Variants in TRAPPC3L observed in about 807,000 individuals in gnomAD.
The protein encoded by TRAPPC3L is trafficking protein particle complex subunit 3-like protein.
TRAPPC3L carries 23 observed loss-of-function variants against 23.7 expected under a neutral mutation model. That is an observed-to-expected ratio of 0.97 (90% CI 0.70 to 1.37). The LOEUF (loss-of-function observed/expected upper bound fraction) is 1.37, where lower values mean the gene tolerates loss of function less well. Ranked by LOEUF, TRAPPC3L falls within the 40% of genes most tolerant of loss-of-function variation. The pLI is 0.00. For missense variants in TRAPPC3L, 212 were observed against 216.8 expected (o/e 0.98, Z 0.14); for synonymous variants, 81 against 77.9 (o/e 1.04, Z -0.21).
At chr6:116,509,483 G>T (rs1206933303) in intron 3 of TRAPPC3L, among the ~76,000 whole-genome samples, 1 of 152,162 alleles carries the variant, frequency 6.6e-6, no homozygotes, top group East Asian at 1.9e-4. Context: ...GCATAGCACT[G>T]GTACAAAAGT....
intron 3 of TRAPPC3L, among the ~76,000 whole-genome samples, chr6:116,532,979 C>T (rs1355287145): frequency 3.9e-5 from 6 of 152,196 alleles, no homozygotes; most frequent in Non-Finnish European, 7.3e-5. Context: ...CATTTCAGAA[C>T]GTCAACTTGG....
chr6:116,497,382 TC>T (rs1771847871), intron 4 of TRAPPC3L, among the ~76,000 whole-genome samples: 1 of 152,126 alleles, frequency 6.6e-6, no homozygotes, highest in Admixed American at 6.5e-5. Flanking sequence ...GAACACAAAT[TC>T]CCAGCTCGGG....
chr6:116,497,792 G>T (rs183174459), intron 4 of TRAPPC3L, among the ~76,000 whole-genome samples: 3 of 152,098 alleles, frequency 2.0e-5, no homozygotes, highest in Admixed American at 2.0e-4. Context: ...TTGATTTATT[G>T]GGAAAAATAA....
intron 3 of TRAPPC3L, among the ~76,000 whole-genome samples, chr6:116,527,743 A>C (rs1470622064): frequency 6.6e-6 from 1 of 152,230 alleles, no homozygotes; most frequent in Admixed American, 6.5e-5. Flanking sequence ...AATAATCTTC[A>C]ATGCAAAGGC....
At chr6:116,534,292 T>A (rs1222416503) in intron 3 of TRAPPC3L, among the ~76,000 whole-genome samples, 1 of 152,234 alleles carries the variant, frequency 6.6e-6, no homozygotes, top group Non-Finnish European at 1.5e-5. Context: ...TGGACATCCT[T>A]GTTGAAGTGT....
chr6:116,511,355 A>C (rs74545533), intron 3 of TRAPPC3L, among the ~76,000 whole-genome samples: 2,036 of 152,038 alleles, frequency 0.013, 41 homozygotes, highest in African/African-American at 0.046. Flanking sequence ...GATTCCTTAC[A>C]CTGGAAAATT....
rs775820897 is a variant in TRAPPC3L at position 116,536,625 on chromosome 6, T to C, written c.240+3738A>G. Among the ~76,000 whole-genome samples, 108 of 152,340 alleles carry C rather than the reference T, an allele frequency of 7.1e-4. 1 individual carries two copies. The highest frequency in any genetic ancestry group is 4.6e-3 in the Admixed American group (71 of 15,304). ...TCTTCAAATGCATTCCTTCTCTCTC[T>C]TTCCTTCCCTGGAGACAGGACAGAG... On this transcript the variant is annotated intron_variant, in intron 3 of 4. Transcript: ENST00000368602.
chr6:116,532,970 A>T (rs1264205381), intron 3 of TRAPPC3L, among the ~76,000 whole-genome samples: 1 of 152,208 alleles, frequency 6.6e-6, no homozygotes, highest in Non-Finnish European at 1.5e-5. Flanking sequence ...TCTAATGAAC[A>T]TTTCAGAACG....
chr6:116,500,413 G>A (rs1432498750), intron 4 of TRAPPC3L, 68 bp downstream of exon 4: 1 of 1,349,516 alleles, frequency 7.4e-7, no homozygotes, highest in Admixed American at 2.5e-5. Context: ...TATGTATATT[G>A]GTTATCTTAT....
intron 3 of TRAPPC3L, among the ~76,000 whole-genome samples, chr6:116,535,541 C>G (rs965601714): frequency 3.3e-5 from 5 of 152,138 alleles, no homozygotes; most frequent in Non-Finnish European, 5.9e-5. Flanking sequence ...GTTTGGAAAC[C>G]CTAAAATATA....
At chr6:116,542,231 A>G (rs192515348) in intron 2 of TRAPPC3L, among the ~76,000 whole-genome samples, 22 of 152,276 alleles carry the variant, frequency 1.4e-4, no homozygotes, top group Admixed American at 1.2e-3. Context: ...TGACTGAAAA[A>G]TCTATAGGTA....
intron 3 of TRAPPC3L, among the ~76,000 whole-genome samples, chr6:116,512,700 A>C (rs1422889501): frequency 6.6e-6 from 1 of 152,348 alleles, no homozygotes; most frequent in East Asian, 1.9e-4. Context: ...TCAAAGTTGC[A>C]TGTAATATAA....
intron 3 of TRAPPC3L, chr6:116,516,147 G>A (rs3734309): frequency 0.44 from 406,811 of 933,748 alleles, 92,049 homozygotes; most frequent in Admixed American, 0.54. Flanking sequence ...GCTCTCAAGT[G>A]GAACATCAGG....
In TRAPPC3L at chr6:116,540,482, T is replaced by C. The variant is rs140183514; in HGVS notation, c.141-20A>G. Reference sequence around the variant, plus strand: ...TAACCCCTGTGGATGACGGAAAGAGTGTGGTCTGAAAATTCTAAGAAATTA... The same window carrying C: ...TAACCCCTGTGGATGACGGAAAGAGCGTGGTCTGAAAATTCTAAGAAATTA... On this transcript the variant is annotated intron_variant, in intron 2 of 4. Coordinates refer to ENST00000368602, the MANE Select transcript of TRAPPC3L (RefSeq NM_001139444.3). 2.1e-4 allele frequency: 327 copies of C among 1,547,484 alleles called. No individual in the cohort carries two copies. The African/African-American group carries it at 4.2e-3, about 20-fold the overall frequency.
At chr6:116,518,484 G>A (rs1162872650) in intron 3 of TRAPPC3L, 1 of 152,326 alleles carries the variant, frequency 6.6e-6, no homozygotes, top group Non-Finnish European at 1.5e-5. Flanking sequence ...ATGTGGCAGG[G>A]ACAGAACAGG....
chr6:116,535,433 T>C (rs546264147), intron 3 of TRAPPC3L, among the ~76,000 whole-genome samples: 2 of 152,356 alleles, frequency 1.3e-5, no homozygotes, highest in African/African-American at 4.8e-5. Context: ...TTATTATAAT[T>C]ATTGTCAAGC....
At chr6:116,525,171 A>C (rs1332418952) in intron 3 of TRAPPC3L, among the ~76,000 whole-genome samples, 1 of 152,150 alleles carries the variant, frequency 6.6e-6, no homozygotes, top group African/African-American at 2.4e-5. Context: ...AGGATGTTGA[A>C]TTAGTACATC....
chr6:116,529,427 A>T (rs910548955), intron 3 of TRAPPC3L, among the ~76,000 whole-genome samples: 2 of 152,240 alleles, frequency 1.3e-5, no homozygotes, highest in Non-Finnish European at 2.9e-5. Context: ...TGGAAGGGAA[A>T]TATGGGGTAG....
intron 4 of TRAPPC3L, 97 bp downstream of exon 4, chr6:116,500,384 T>C (rs2115153422): frequency 2.6e-6 from 3 of 1,148,232 alleles, no homozygotes; most frequent in South Asian, 3.2e-5. Context: ...AGATAACCAA[T>C]ATACCCAGCA....
Sources: allele counts gnomAD v4.1 joint callset (sites outside exome capture counted in the v4.1 genomes callset), GRCh38; gene constraint gnomAD v4.1.1; transcripts MANE v1.5; gene names NCBI Gene and HGNC (gene_info 2026-07-23, HGNC 2026-07-21).